The following PRKCA variants were observed in gnomAD, a reference collection of about 807,000 sequenced individuals.
The protein encoded by PRKCA is protein kinase C alpha.
In PRKCA, 27 loss-of-function variants were observed where a neutral mutation model predicts 87.0. The ratio of observed to expected loss-of-function variants is 0.31; its 90% CI spans 0.23 to 0.43. The LOEUF is 0.43. Ranked by LOEUF, PRKCA falls within the 20% of genes least tolerant of loss-of-function variation. The probability of loss-of-function intolerance (pLI) is 1.00; values close to 1 mark genes in which losing one functional copy is unlikely to be tolerated. For missense variants in PRKCA, 518 were observed against 852.3 expected (o/e 0.61, Z 4.88); for synonymous variants, 329 against 311.1 (o/e 1.06, Z -0.61).
At chr17:66,368,588 C>T (rs539078519) in intron 2 of PRKCA, among the ~76,000 whole-genome samples, 14 of 150,894 alleles carry the variant, frequency 9.3e-5, no homozygotes, top group Admixed American at 4.6e-4. Context: ...GACGGGATTG[C>T]GCTATGTTGT....
At chr17:66,538,512 G>A (rs1000930766) in intron 3 of PRKCA, among the ~76,000 whole-genome samples, 16 of 152,198 alleles carry the variant, frequency 1.1e-4, no homozygotes, top group African/African-American at 7.2e-5. Context: ...AGCAAACTTC[G>A]AGAAGTGTCT....
intron 3 of PRKCA, among the ~76,000 whole-genome samples, chr17:66,637,938 T>C (rs1361570069): frequency 6.6e-6 from 1 of 152,136 alleles, no homozygotes; most frequent in Non-Finnish European, 1.5e-5. Context: ...CTTGGCAAAC[T>C]TTTCCTAAAA....
chr17:66,448,882 T>G (rs1914168232), intron 2 of PRKCA, among the ~76,000 whole-genome samples: 1 of 152,042 alleles, frequency 6.6e-6, no homozygotes, highest in Non-Finnish European at 1.5e-5. Context: ...TCTAAAAGTT[T>G]TTTAAACTTA....
At chr17:66,698,332 G>A (rs76802953) in intron 8 of PRKCA, among the ~76,000 whole-genome samples, 10,372 of 152,206 alleles carry the variant, frequency 0.068, 387 homozygotes, top group South Asian at 0.14. Context: ...AGCTCAGAGA[G>A]CTAGCTACAA....
intron 14 of PRKCA, among the ~76,000 whole-genome samples, chr17:66,782,060 C>T (rs149488555): frequency 2.8e-3 from 429 of 151,890 alleles, no homozygotes; most frequent in Admixed American, 5.2e-3. Context: ...ACTACAGGCG[C>T]ACTCTACCAT....
chr17:66,654,588 C>T (rs542495036), intron 5 of PRKCA, among the ~76,000 whole-genome samples: 2 of 152,344 alleles, frequency 1.3e-5, no homozygotes, highest in South Asian at 4.1e-4. Context: ...TTACTCACAG[C>T]TGTTTCCCTT....
At chr17:66,687,059 C>T (rs2144030402) in intron 5 of PRKCA, 52 bp from the exon 6 acceptor site, 1 of 1,464,520 alleles carries the variant, frequency 6.8e-7, no homozygotes. Context: ...AGACAGCGGG[C>T]AATATAGGTC....
chr17:66,587,200 A>G (rs1175157041), intron 3 of PRKCA, among the ~76,000 whole-genome samples: 1 of 152,114 alleles, frequency 6.6e-6, no homozygotes, highest in African/African-American at 2.4e-5. Flanking sequence ...TCTTTCTAAC[A>G]CAATGTTTTC....
At chr17:66,732,600 C>T in intron 8 of PRKCA, 88 bp from the exon 9 acceptor site, 10 of 1,539,142 alleles carry the variant, frequency 6.5e-6, no homozygotes, top group Non-Finnish European at 9.0e-6. Context: ...TCCAAGCAAA[C>T]ATTAAACTCA....
chr17:66,332,612 ACT>A (rs1336196109), intron 2 of PRKCA, among the ~76,000 whole-genome samples: 9 of 151,288 alleles, frequency 5.9e-5, no homozygotes, highest in South Asian at 2.1e-4. Flanking sequence ...GCATCTAAAG[ACT>A]CTGTTGACCA....
At chr17:66,392,194 C>A (rs1910400546) in intron 2 of PRKCA, among the ~76,000 whole-genome samples, 1 of 149,918 alleles carries the variant, frequency 6.7e-6, no homozygotes, top group African/African-American at 2.5e-5. Flanking sequence ...CATGCCACTG[C>A]ACTCCAGCCT....
intron 2 of PRKCA, among the ~76,000 whole-genome samples, chr17:66,425,035 T>C (rs1912722234): frequency 6.6e-6 from 1 of 152,144 alleles, no homozygotes; most frequent in African/African-American, 2.4e-5. Flanking sequence ...GTGTTGGGAT[T>C]ACAGGCATGA....
intron 3 of PRKCA, among the ~76,000 whole-genome samples, chr17:66,631,279 G>A (rs904460586): frequency 1.3e-5 from 2 of 152,192 alleles, no homozygotes; most frequent in African/African-American, 4.8e-5. Flanking sequence ...CACATAGTAG[G>A]TGTACGGTAA....
At position 66,368,362 on chromosome 17, in the gene PRKCA, A is replaced by G. The variant is rs201999455; in HGVS notation, c.205+62235A>G. Among the ~76,000 whole-genome samples the G allele has an allele frequency of 2.1e-3, 83 of 40,110 alleles. 1 individual carries two copies. The highest frequency in any genetic ancestry group is 5.8e-3 in the African/African-American group (74 of 12,854). 26.3% of individuals were successfully genotyped at this position (40,110 alleles called of 152,430 possible). On this transcript the variant is annotated intron_variant, in intron 2 of 16. Coordinates refer to ENST00000413366, the MANE Select transcript of PRKCA (RefSeq NM_002737.3). ...TATGTGTGTGTGTGTGTGTGTGTAT[A>G]TGTATATATATATATATATATATAT...
intron 8 of PRKCA, among the ~76,000 whole-genome samples, chr17:66,712,182 C>T (rs766680167): frequency 1.9e-4 from 29 of 152,102 alleles, no homozygotes; most frequent in Non-Finnish European, 3.7e-4. Flanking sequence ...GAAAGAGGCA[C>T]CTCTTGATCA....
At chr17:66,620,919 C>G (rs1970661491) in intron 3 of PRKCA, among the ~76,000 whole-genome samples, 1 of 152,182 alleles carries the variant, frequency 6.6e-6, no homozygotes, top group Non-Finnish European at 1.5e-5. Flanking sequence ...TAACTCAGCT[C>G]TGAAGTTCCA....
intron 3 of PRKCA, among the ~76,000 whole-genome samples, chr17:66,566,479 GGTTTTT>G (rs1480061241): frequency 0.012 from 888 of 74,704 alleles, 14 homozygotes; most frequent in African/African-American, 0.038. Flanking sequence ...GTTGTTTTTT[GGTTTTT>G]TTTTTTTTTT....
chr17:66,431,069 G>A (rs2051686863), intron 2 of PRKCA, among the ~76,000 whole-genome samples: 1 of 152,112 alleles, frequency 6.6e-6, no homozygotes, highest in Non-Finnish European at 1.5e-5. Context: ...AGCCCTTATT[G>A]TTCACACTGG....
intron 3 of PRKCA, among the ~76,000 whole-genome samples, chr17:66,587,964 A>G (rs997251495): frequency 1.1e-4 from 16 of 142,610 alleles, no homozygotes; most frequent in Non-Finnish European, 1.8e-4. Flanking sequence ...AGATTCTCCT[A>G]TGTGAGAATT....
Sources: allele counts gnomAD v4.1 joint callset (sites outside exome capture counted in the v4.1 genomes callset), GRCh38; gene constraint gnomAD v4.1.1; transcripts MANE v1.5; gene names NCBI Gene and HGNC (gene_info 2026-07-23, HGNC 2026-07-21).